PABIR3: variants seen among roughly 807,000 people sequenced by gnomAD.
PABIR3 encodes the protein PABIR family member 1.
In PABIR3, 20 loss-of-function variants were observed where a neutral mutation model predicts 23.1. The ratio of observed to expected loss-of-function variants is 0.86; its 90% confidence interval spans 0.61 to 1.26. The LOEUF (loss-of-function observed/expected upper bound fraction) is 1.26, where lower values mean the gene tolerates loss of function less well. Ranked by LOEUF, PABIR3 falls within the 50% of genes most tolerant of loss-of-function variation. The probability of loss-of-function intolerance (pLI) is 0.00; values close to 1 mark genes in which losing one functional copy is unlikely to be tolerated. For synonymous variants in PABIR3, 69 were observed against 68.5 expected, an observed-to-expected ratio of 1.01 and a Z score of -0.04; for missense variants, 189 against 195.4, an observed-to-expected ratio of 0.97 and a Z score of 0.20.
chrX:134,848,432 T>A (rs2082511209), intron 8 of PABIR3, among the ~76,000 whole-genome samples: 2 of 110,910 alleles, frequency 1.8e-5, no homozygotes, highest in Admixed American at 9.7e-5. Flanking sequence ...TCATTTTGTA[T>A]ATTGAAAAAG....
At chrX:134,800,300 C>CAA (rs776778230) in intron 1 of PABIR3, among the ~76,000 whole-genome samples, 25 of 75,141 alleles carry the variant, frequency 3.3e-4, no homozygotes, top group African/African-American at 1.1e-3. Context: ...GACTCCATCT[C>CAA]AAAAAAAAAA....
chrX:134,863,178 T>C, the PABIR3 span, among the ~76,000 whole-genome samples: 3 of 111,927 alleles, frequency 2.7e-5, no homozygotes, highest in Admixed American at 2.9e-4. Context: ...AATTTCGGAA[T>C]ACTTCCCAGT....
chrX:134,850,618 A>G (rs185351213), intron 9 of PABIR3, among the ~76,000 whole-genome samples: 67 of 112,483 alleles, frequency 6.0e-4, no homozygotes, highest in South Asian at 1.5e-3. Context: ...GGAGTGTTTT[A>G]CCAGATTAAA....
At chrX:134,851,485 G>A (rs994941783) in intron 9 of PABIR3, among the ~76,000 whole-genome samples, 3 of 104,879 alleles carry the variant, frequency 2.9e-5, no homozygotes, top group Non-Finnish European at 5.9e-5. Flanking sequence ...GCAGTGAGCC[G>A]AGATCACACC....
chrX:134,823,745 A>G (rs1348770991), intron 3 of PABIR3, among the ~76,000 whole-genome samples: 2 of 111,190 alleles, frequency 1.8e-5, no homozygotes, highest in African/African-American at 6.5e-5. Context: ...CTGAGGAAGA[A>G]TCTCCAACAC....
intron 3 of PABIR3, among the ~76,000 whole-genome samples, chrX:134,828,039 C>CTA (rs1174836921): frequency 0.016 from 1,201 of 72,962 alleles, 10 homozygotes; most frequent in Middle Eastern, 0.027. Context: ...CTCTCTCTCT[C>CTA]TCTCTCTCTA....
the PABIR3 span, among the ~76,000 whole-genome samples, chrX:134,862,142 GTTT>G: frequency 2.1e-5 from 1 of 47,909 alleles, no homozygotes. Context: ...TTTATTGGCT[GTTT>G]TTTTTTTTTT....
intron 2 of PABIR3, chrX:134,810,547 C>T (rs890297891): frequency 1.3e-6 from 1 of 749,686 alleles, no homozygotes; most frequent in Non-Finnish European, 1.6e-6. Flanking sequence ...GATCTGAGGG[C>T]ATATTTTGTG....
chrX:134,861,535 G>A, the PABIR3 span, among the ~76,000 whole-genome samples: 17 of 106,587 alleles, frequency 1.6e-4, no homozygotes, highest in Admixed American at 8.2e-4. Context: ...TTAGCCGGGC[G>A]CAGTGGCAGG....
At chrX:134,856,651 A>G (rs1416158632), downstream of PABIR3, among the ~76,000 whole-genome samples, 1 of 111,695 alleles carries the variant, frequency 9.0e-6, no homozygotes, top group Non-Finnish European at 1.9e-5. Context: ...TTTTCCATTT[A>G]TTGTTGATTT....
rs1156447186 is a variant in PABIR3 at position 134,830,363 on chromosome X, C to T, written c.246+1081C>T. On this transcript the variant is annotated intron_variant, in intron 4 of 10. Coordinates refer to ENST00000645433, the MANE Select transcript of PABIR3 (RefSeq NM_001388447.1). ...TTTTTTTTTTTTTGAGACAGAGTTTCGCTCTGTTGCCCAGACTGGAGTGCA... is the reference window on the plus strand; with the variant it reads ...TTTTTTTTTTTTTGAGACAGAGTTTTGCTCTGTTGCCCAGACTGGAGTGCA... Among the ~76,000 whole-genome samples the T allele has an allele frequency of 2.1e-3, 138 of 67,011 alleles. 1 individual carries two copies. The highest frequency in any genetic ancestry group is 7.6e-3 in the African/African-American group (115 of 15,128). 58.2% of individuals were successfully genotyped at this position (67,011 alleles called of 115,157 possible).
At chrX:134,828,024 T>TCC in intron 3 of PABIR3, among the ~76,000 whole-genome samples, 1 of 58,804 alleles carries the variant, frequency 1.7e-5, no homozygotes, top group Admixed American at 2.7e-4. Context: ...TCTCTCTCTC[T>TCC]CTCTCTCTCT....
chrX:134,837,624 C>T (rs954648335), intron 4 of PABIR3, among the ~76,000 whole-genome samples: 5 of 111,909 alleles, frequency 4.5e-5, no homozygotes, highest in African/African-American at 1.3e-4. Flanking sequence ...GGCTGTTGAC[C>T]TTTTATACTT....
intron 2 of PABIR3, chrX:134,810,409 T>C: frequency 1.3e-6 from 1 of 754,642 alleles, no homozygotes; most frequent in Non-Finnish European, 1.6e-6. Context: ...CACTAGCATA[T>C]TTCTGTAGTA....
At chrX:134,800,993 A>G (rs1281560066) in intron 1 of PABIR3, among the ~76,000 whole-genome samples, 1 of 112,148 alleles carries the variant, frequency 8.9e-6, no homozygotes, top group African/African-American at 3.2e-5. Context: ...CAAGTATTAA[A>G]CCACAAAGGA....
rs186882795 is a variant in PABIR3, at chrX:134,818,990, G to A, written c.189+4141G>A. Among the ~76,000 whole-genome samples, 176 of 94,344 alleles carry A rather than the reference G, an allele frequency of 1.9e-3. 2 individuals are homozygous for A. The highest frequency in any genetic ancestry group is 3.2e-3 in the Non-Finnish European group (155 of 48,891). 81.9% of individuals were successfully genotyped at this position (94,344 alleles called of 115,157 possible). On this transcript the variant is annotated intron_variant, in intron 3 of 10. Coordinates refer to ENST00000645433, the MANE Select transcript of PABIR3 (RefSeq NM_001388447.1). ...ACAGATCTCTTGCCCAGGCTGGAGT[G>A]CAGTGACGTGATCTCGGCTCACTGC...
intron 2 of PABIR3, chrX:134,810,815 G>C: frequency 4.0e-6 from 3 of 751,181 alleles, no homozygotes; most frequent in Non-Finnish European, 4.7e-6. Flanking sequence ...TCTTTAGTAG[G>C]AATTAAAGAT....
At chrX:134,841,900 T>G (rs1173288501) in intron 4 of PABIR3, among the ~76,000 whole-genome samples, 2 of 111,287 alleles carry the variant, frequency 1.8e-5, no homozygotes, top group African/African-American at 6.5e-5. Context: ...GACATGAGAA[T>G]CACTTAAACC....
the PABIR3 span, among the ~76,000 whole-genome samples, chrX:134,862,153 T>C: frequency 1.1e-5 from 1 of 94,493 alleles, no homozygotes; most frequent in Non-Finnish European, 2.1e-5. Flanking sequence ...TTTTTTTTTT[T>C]TTTTTTTTTT....
Sources: allele counts gnomAD v4.1 joint callset (sites outside exome capture counted in the v4.1 genomes callset), GRCh38; gene constraint gnomAD v4.1.1; transcripts MANE v1.5; gene names NCBI Gene and HGNC (gene_info 2026-07-23, HGNC 2026-07-21).